Variants in TMEM266 observed in about 807,000 individuals in gnomAD.
The protein encoded by TMEM266 is transmembrane protein 266, also known as Hv1 related protein 1.
TMEM266 carries 33 observed loss-of-function variants against 50.5 expected under a neutral mutation model. The observed-to-expected ratio is 0.65, with a 90% confidence interval of 0.50 to 0.87. TMEM266 has a LOEUF of 0.87. Ranked by LOEUF, TMEM266 falls within the 40% of genes least tolerant of loss-of-function variation. TMEM266 has a pLI of 0.00. For synonymous variants in TMEM266, 310 were observed against 292.3 expected (o/e 1.06, Z -0.62); for missense variants, 655 against 695.1 (o/e 0.94, Z 0.65).
intron 1 of TMEM266, among the ~76,000 whole-genome samples, chr15:76,083,490 A>G (rs1227348552): frequency 1.3e-5 from 2 of 151,944 alleles, no homozygotes. Flanking sequence ...ACAGTCCCAT[A>G]TTCCCTTCTA....
intron 9 of TMEM266, among the ~76,000 whole-genome samples, chr15:76,193,625 T>C (rs2959853): frequency 0.51 from 76,998 of 152,002 alleles, 19,805 homozygotes; most frequent in South Asian, 0.63. Flanking sequence ...TCTATAACTC[T>C]CTGCCATGAG....
chr15:76,129,085 A>G (rs568204532), intron 1 of TMEM266, among the ~76,000 whole-genome samples: 4 of 142,366 alleles, frequency 2.8e-5, no homozygotes, highest in African/African-American at 1.1e-4. Context: ...GAAAGTCTGA[A>G]TAGAAGCTGA....
At chr15:76,198,443 C>T (rs1424199140) in intron 9 of TMEM266, among the ~76,000 whole-genome samples, 1 of 152,186 alleles carries the variant, frequency 6.6e-6, no homozygotes, top group Non-Finnish European at 1.5e-5. Context: ...AACAGTGTGG[C>T]CCATTCCCAG....
At chr15:76,155,108 T>C (rs2037905864) in intron 3 of TMEM266, among the ~76,000 whole-genome samples, 1 of 152,232 alleles carries the variant, frequency 6.6e-6, no homozygotes, top group South Asian at 2.1e-4. Flanking sequence ...TCCCTGTTTA[T>C]ACATGGGGAG....
chr15:76,149,908 T>TC (rs1242433424), intron 3 of TMEM266, among the ~76,000 whole-genome samples: 1 of 152,232 alleles, frequency 6.6e-6, no homozygotes, highest in Non-Finnish European at 1.5e-5. Context: ...CTCATGGCTT[T>TC]CTCCAATATT....
chr15:76,192,133 G>A lies in TMEM266; in HGVS notation c.934G>A (p.Val312Met). Reference sequence around the variant, plus strand: ...CGAGGAGACGGCGGCCGAGAGCGTCGTGGAGGAGCTGCAGCCCTCGCAAGG... The same window carrying A: ...CGAGGAGACGGCGGCCGAGAGCGTCATGGAGGAGCTGCAGCCCTCGCAAGG... Residue 312 changes from valine to methionine, a missense_variant, in exon 9 of 11, where the codon GTG becomes ATG. By Grantham distance (21) the Val-to-Met change is conservative (BLOSUM62 1). Transcript: ENST00000388942. 7.1e-7 allele frequency: 1 copy of A among 1,409,130 alleles called. No individual in the cohort carries two copies. The highest frequency in any genetic ancestry group is 9.2e-7 in the Non-Finnish European group (1 of 1,083,866). 87.3% of individuals were successfully genotyped at this position (1,409,130 alleles called of 1,614,324 possible).
At chr15:76,098,843 G>T (rs1254520659) in intron 1 of TMEM266, among the ~76,000 whole-genome samples, 2 of 152,176 alleles carry the variant, frequency 1.3e-5, no homozygotes. Context: ...ACTCTGCCCA[G>T]TTCAAACTTC....
chr15:76,067,711 T>G (rs1481958022), intron 1 of TMEM266, among the ~76,000 whole-genome samples: 2 of 150,162 alleles, frequency 1.3e-5, no homozygotes, highest in African/African-American at 2.4e-5. Flanking sequence ...GGCATTGTAT[T>G]TAAGAGCTTA....
At chr15:76,185,741 AAG>A (rs1358916842) in intron 8 of TMEM266, among the ~76,000 whole-genome samples, 1 of 152,170 alleles carries the variant, frequency 6.6e-6, no homozygotes, top group East Asian at 1.9e-4. Context: ...TCCTTCTCTG[AAG>A]AGATGGTTCT....
chr15:76,103,054 G>A (rs2037027725), intron 1 of TMEM266, among the ~76,000 whole-genome samples: 1 of 152,050 alleles, frequency 6.6e-6, no homozygotes, highest in Non-Finnish European at 1.5e-5. Context: ...ACAGGCAAAG[G>A]GGGAAGCAGG....
intron 1 of TMEM266, among the ~76,000 whole-genome samples, chr15:76,109,546 C>G (rs528809881): frequency 6.6e-6 from 1 of 152,214 alleles, no homozygotes; most frequent in East Asian, 1.9e-4. Context: ...CCTGGGGTCC[C>G]GACAACATGG....
At position 76,192,052 on chromosome 15, in the gene TMEM266, C is replaced by A; in HGVS notation, c.853C>A (p.His285Asn). The A allele has an allele frequency of 1.3e-6, 2 of 1,533,716 alleles. No individual in the cohort carries two copies. Among genetic ancestry groups the A allele is most frequent in the South Asian group, 1.2e-5 (1 of 82,300 alleles). The change falls in exon 9 of 11, where the codon CAC becomes AAC. Residue 285 changes from histidine (H) to asparagine (N), a missense_variant. His to Asn is a moderately conservative substitution (Grantham distance 68). This residue lies in a region of TMEM266 where 455 missense variants were observed against 401.8 expected (regional missense o/e 1.13). Transcript: ENST00000388942. ...GCGCGAAGCGGCGCTCCAGGCCCCG[C>A]ACGTGCTCAGCCAGCCGCGCAGCCG...
intron 1 of TMEM266, among the ~76,000 whole-genome samples, chr15:76,132,930 T>C (rs888247411): frequency 5.4e-5 from 8 of 147,470 alleles, no homozygotes; most frequent in Non-Finnish European, 9.0e-5. Context: ...AGCTCAGGAG[T>C]TTGAGACCAG....
At chr15:76,162,939 G>A (rs1279601047) in intron 5 of TMEM266, among the ~76,000 whole-genome samples, 1 of 152,200 alleles carries the variant, frequency 6.6e-6, no homozygotes, top group African/African-American at 2.4e-5. Flanking sequence ...CTTAGGGAGT[G>A]GGCATTACTC....
chr15:76,134,343 G>T, intron 2 of TMEM266, 42 bp downstream of exon 2: 1 of 1,589,724 alleles, frequency 6.3e-7, no homozygotes, highest in Non-Finnish European at 8.6e-7. Flanking sequence ...CAGAACTGTG[G>T]CTATAAATCT....
chr15:76,192,201 G>C, intron 9 of TMEM266, 44 bp downstream of exon 9: 1 of 1,385,716 alleles, frequency 7.2e-7, no homozygotes, highest in Non-Finnish European at 9.3e-7. Context: ...CACGGCCGGG[G>C]ATCCCCCTCG....
At chr15:76,170,462 C>T (rs2038170134) in intron 6 of TMEM266, among the ~76,000 whole-genome samples, 1 of 152,236 alleles carries the variant, frequency 6.6e-6, no homozygotes, top group South Asian at 2.1e-4. Context: ...GCTCAGAACA[C>T]GGCCAGGCTG....
chr15:76,203,384 C>G (rs1466707488), intron 10 of TMEM266, among the ~76,000 whole-genome samples: 2 of 152,208 alleles, frequency 1.3e-5, no homozygotes, highest in African/African-American at 2.4e-5. Flanking sequence ...CACTGTTACT[C>G]CAGCACCCAG....
At chr15:76,098,801 C>G (rs2036957067) in intron 1 of TMEM266, among the ~76,000 whole-genome samples, 1 of 150,346 alleles carries the variant, frequency 6.7e-6, no homozygotes, top group South Asian at 2.1e-4. Flanking sequence ...ATCTGGTAGT[C>G]TGGCCACAGC....
Sources: gnomAD v4.1 joint callset for allele counts (sites outside exome capture counted in the v4.1 genomes callset) on GRCh38, gnomAD v4.1.1 for gene constraint, gnomAD v4.1.1 regional missense constraint, MANE v1.5 for transcripts, NCBI Gene and HGNC (gene_info 2026-07-23, HGNC 2026-07-21) for gene names.